The following SYN2 variants were observed in gnomAD, a reference collection of about 807,000 sequenced individuals.
SYN2 encodes the protein synapsin-2.
SYN2 carries 19 observed loss-of-function variants against 50.9 expected under a neutral mutation model. The ratio of observed to expected loss-of-function variants is 0.37; its 90% CI spans 0.26 to 0.55. SYN2 has a LOEUF of 0.55. Ranked by LOEUF, SYN2 falls within the 20% of genes least tolerant of loss-of-function variation. The pLI is 0.81. For missense variants in SYN2, 587 were observed against 576.4 expected (o/e 1.02, Z -0.19); for synonymous variants, 255 against 224.9 (o/e 1.13, Z -1.20).
At chr3:12,182,866 A>G (rs1031911358) in intron 10 of SYN2, among the ~76,000 whole-genome samples, 6 of 152,198 alleles carry the variant, frequency 3.9e-5, no homozygotes, top group African/African-American at 1.4e-4. Context: ...CTGCCCCTAG[A>G]GCCACCTATA....
intron 1 of SYN2, chr3:12,071,214 G>A: frequency 1.8e-6 from 1 of 552,772 alleles, no homozygotes; most frequent in Admixed American, 1.9e-5. Flanking sequence ...GCACCATGAA[G>A]ATCAAGATCA....
intron 1 of SYN2, among the ~76,000 whole-genome samples, chr3:12,117,964 T>C (rs1383583833): frequency 6.6e-6 from 1 of 152,202 alleles, no homozygotes; most frequent in Non-Finnish European, 1.5e-5. Flanking sequence ...ATGCATGTGA[T>C]AGGCATGTTG....
intron 1 of SYN2, among the ~76,000 whole-genome samples, chr3:12,104,200 A>C (rs573635095): frequency 6.6e-6 from 1 of 152,198 alleles, no homozygotes; most frequent in Non-Finnish European, 1.5e-5. Flanking sequence ...TGGCATGATC[A>C]TAGATCACTG....
intron 4 of SYN2, among the ~76,000 whole-genome samples, chr3:12,148,148 T>A (rs1472308305): frequency 6.6e-6 from 1 of 152,034 alleles, no homozygotes; most frequent in Non-Finnish European, 1.5e-5. Context: ...CTGTTTTCTT[T>A]TCCTAAACTG....
chr3:12,111,121 G>A (rs1004616509), intron 1 of SYN2, among the ~76,000 whole-genome samples: 3 of 152,138 alleles, frequency 2.0e-5, no homozygotes, highest in African/African-American at 7.2e-5. Flanking sequence ...GGACCCAGTA[G>A]GAAATAATTG....
rs531496903 is a variant in SYN2 at position 12,144,736 on chromosome 3, ATTGGCCAGG to A, written c.528-942_528-934del. Reference sequence around the variant, plus strand: ...AATCTCCTTTGGAAAGTACCATAATATTGGCCAGGCGTGGTGGCTCGCACCTGTAATCCC... The same window carrying A: ...AATCTCCTTTGGAAAGTACCATAATACGTGGTGGCTCGCACCTGTAATCCC... On this transcript the variant is annotated intron_variant, in intron 3 of 12. Coordinates refer to ENST00000621198, the MANE Select transcript of SYN2 (RefSeq NM_133625.6). Among the ~76,000 whole-genome samples, 445 of 152,312 alleles carry A rather than the reference ATTGGCCAGG, an allele frequency of 2.9e-3. 2 individuals are homozygous for A. Among genetic ancestry groups the A allele is most frequent in the Middle Eastern group, 0.02 (6 of 294 alleles).
At chr3:12,177,992 A>G (rs1376920396) in intron 10 of SYN2, among the ~76,000 whole-genome samples, 3 of 152,178 alleles carry the variant, frequency 2.0e-5, no homozygotes, top group African/African-American at 7.2e-5. Context: ...CTTTTGGAGG[A>G]AGGAAGGTGG....
chr3:12,147,471 G>C (rs1401106851), intron 4 of SYN2, among the ~76,000 whole-genome samples: 1 of 152,098 alleles, frequency 6.6e-6, no homozygotes. Flanking sequence ...GCAGAAACAC[G>C]CTAACAGAGT....
At chr3:12,187,320 A>C in intron 11 of SYN2, 49 bp from the exon 12 acceptor site, 13 of 1,478,900 alleles carry the variant, frequency 8.8e-6, no homozygotes, top group Non-Finnish European at 1.2e-5. Context: ...CTAATAAGGA[A>C]ACATTTTTAT....
intron 1 of SYN2, among the ~76,000 whole-genome samples, chr3:12,124,904 T>A (rs753123844): frequency 6.6e-6 from 1 of 152,206 alleles, no homozygotes; most frequent in East Asian, 1.9e-4. Context: ...TATATTAATA[T>A]AGAAAAATAT....
chr3:12,033,879 A>G (rs923963156), intron 1 of SYN2, among the ~76,000 whole-genome samples: 5 of 152,182 alleles, frequency 3.3e-5, no homozygotes. Context: ...ATTCCTACAC[A>G]CAATATTTCC....
At chr3:12,181,289 T>G (rs1330163599) in intron 10 of SYN2, among the ~76,000 whole-genome samples, 4 of 152,258 alleles carry the variant, frequency 2.6e-5, no homozygotes, top group Non-Finnish European at 5.9e-5. Flanking sequence ...TCAGTGGTAC[T>G]GGGCATGAGG....
chr3:12,175,850 TAAG>T (rs1276072286), intron 10 of SYN2, among the ~76,000 whole-genome samples: 1 of 152,198 alleles, frequency 6.6e-6, no homozygotes, highest in African/African-American at 2.4e-5. Context: ...GGAAGGGGCA[TAAG>T]AAGCACTGGC....
chr3:12,029,845 T>A (rs1445723055), intron 1 of SYN2, among the ~76,000 whole-genome samples: 2 of 100,320 alleles, frequency 2.0e-5, no homozygotes, highest in Non-Finnish European at 3.6e-5. Context: ...TGACTTCCTC[T>A]TTTCCTAATT....
intron 1 of SYN2, among the ~76,000 whole-genome samples, chr3:12,078,729 C>T (rs1695524851): frequency 6.6e-6 from 1 of 151,876 alleles, no homozygotes; most frequent in African/African-American, 2.4e-5. Context: ...GCTTGAAGTC[C>T]AGTAGTGTGA....
chr3:12,105,859 A>G (rs1296039730), intron 1 of SYN2, among the ~76,000 whole-genome samples: 2 of 152,150 alleles, frequency 1.3e-5, no homozygotes, highest in African/African-American at 2.4e-5. Context: ...CCACCTTAGT[A>G]GACACTATAA....
intron 1 of SYN2, among the ~76,000 whole-genome samples, chr3:12,116,810 G>A (rs577218733): frequency 6.6e-6 from 1 of 152,156 alleles, no homozygotes; most frequent in East Asian, 1.9e-4. Flanking sequence ...GAATATAGTG[G>A]CAGGATCATA....
intron 1 of SYN2, among the ~76,000 whole-genome samples, chr3:12,097,672 C>A (rs757023416): frequency 2.0e-5 from 3 of 151,650 alleles, no homozygotes; most frequent in Non-Finnish European, 2.9e-5. Flanking sequence ...TACTATGCAG[C>A]CATAAAAAAG....
At chr3:12,095,970 T>C (rs1018484412) in intron 1 of SYN2, among the ~76,000 whole-genome samples, 4 of 152,178 alleles carry the variant, frequency 2.6e-5, no homozygotes, top group African/African-American at 9.7e-5. Flanking sequence ...TCTTGAATTT[T>C]TCCTCCTTCA....
Sources: gnomAD v4.1 joint callset for allele counts (sites outside exome capture counted in the v4.1 genomes callset) on GRCh38, gnomAD v4.1.1 for gene constraint, MANE v1.5 for transcripts, NCBI Gene and HGNC (gene_info 2026-07-23, HGNC 2026-07-21) for gene names.